The following ARFGEF3 variants were observed in gnomAD, a reference collection of about 807,000 sequenced individuals.
The protein encoded by ARFGEF3 is brefeldin A-inhibited guanine nucleotide-exchange protein 3.
ARFGEF3 carries 96 observed loss-of-function variants against 221.7 expected under a neutral mutation model. The observed-to-expected ratio is 0.43, with a 90% CI of 0.37 to 0.51. The LOEUF (loss-of-function observed/expected upper bound fraction) is 0.51, where lower values mean the gene tolerates loss of function less well. Among genes scored for constraint, ARFGEF3 ranks in the 20% least tolerant of loss-of-function variants. The pLI is 0.00. For synonymous variants in ARFGEF3, 1,145 were observed against 1,126.8 expected, an observed-to-expected ratio of 1.02 and a Z score of -0.32; for missense variants, 2,410 against 2,789.9, an observed-to-expected ratio of 0.86 and a Z score of 3.07.
chr6:138,197,129 G>A (rs938979388), intron 2 of ARFGEF3, among the ~76,000 whole-genome samples: 14 of 152,172 alleles, frequency 9.2e-5, no homozygotes, highest in Admixed American at 2.6e-4. Flanking sequence ...CGCCATGCCC[G>A]GCCTTTAAGC....
intron 4 of ARFGEF3, among the ~76,000 whole-genome samples, chr6:138,227,496 C>A (rs1778108220): frequency 6.6e-6 from 1 of 152,162 alleles, no homozygotes; most frequent in Admixed American, 6.5e-5. Context: ...TAATAATTAA[C>A]CAGTGAGGAC....
intron 18 of ARFGEF3, among the ~76,000 whole-genome samples, chr6:138,290,856 A>G (rs1198374818): frequency 1.2e-4 from 18 of 152,202 alleles, no homozygotes; most frequent in Non-Finnish European, 1.5e-5. Flanking sequence ...AAATATAGCC[A>G]TGAGTGTTTG....
chr6:138,182,740 T>C (rs1406273502), intron 2 of ARFGEF3, among the ~76,000 whole-genome samples: 1 of 152,202 alleles, frequency 6.6e-6, no homozygotes, highest in Non-Finnish European at 1.5e-5. Flanking sequence ...TCTGCTAACT[T>C]GACCAAGGGA....
intron 4 of ARFGEF3, among the ~76,000 whole-genome samples, chr6:138,226,468 A>G (rs765700899): frequency 2.0e-5 from 3 of 152,172 alleles, no homozygotes; most frequent in Non-Finnish European, 4.4e-5. Context: ...TTTCATGGAA[A>G]GCTTTGCCCC....
At chr6:138,197,862 C>T (rs760077450) in intron 2 of ARFGEF3, among the ~76,000 whole-genome samples, 13 of 152,062 alleles carry the variant, frequency 8.5e-5, no homozygotes, top group Non-Finnish European at 1.8e-4. Context: ...TCAGATTATG[C>T]AAGTATACTC....
At position 138,286,851 on chromosome 6, in the gene ARFGEF3, A is replaced by T; in HGVS notation, c.2720A>T (p.Glu907Val). 6.2e-7 allele frequency: 1 copy of T among 1,613,962 alleles called. No individual in the cohort carries two copies. The highest frequency in any genetic ancestry group is 8.5e-7 in the Non-Finnish European group (1 of 1,179,906). Residue 907 changes from glutamate (E) to valine (V), a missense_variant, in exon 16 of 34, where the codon GAG (glutamate) becomes GTG (valine). Physicochemically the swap from Glu to Val is moderately radical, Grantham distance 121. Around this residue, in one of 5 missense-constraint regions of ARFGEF3, gnomAD observed 594 missense variants for 734.3 expected, o/e 0.81. Transcript: ENST00000251691. The stretch of plus-strand genomic sequence containing the variant: ...GGCATCAAAGAGCAGAACCAGAAGG[A>T]GCGGGACGCCATCTGCATGAGCCTC... ...AEGIKEQNQKERDAICMSLDG... is the reference protein window; with the variant it reads ...AEGIKEQNQKVRDAICMSLDG...
chr6:138,328,776 G>A (rs1329729658), intron 32 of ARFGEF3, among the ~76,000 whole-genome samples: 1 of 152,136 alleles, frequency 6.6e-6, no homozygotes, highest in Non-Finnish European at 1.5e-5. Context: ...GATCACTTAA[G>A]CTCAGAAGTT....
intron 5 of ARFGEF3, among the ~76,000 whole-genome samples, chr6:138,233,126 C>A (rs926776114): frequency 5.9e-5 from 9 of 152,074 alleles, no homozygotes; most frequent in Non-Finnish European, 1.3e-4. Context: ...ACCATAGATT[C>A]AAGTGGCCAT....
At chr6:138,191,131 A>G (rs1449396051) in intron 2 of ARFGEF3, among the ~76,000 whole-genome samples, 1 of 152,078 alleles carries the variant, frequency 6.6e-6, no homozygotes, top group Non-Finnish European at 1.5e-5. Context: ...CCTAGCTCAC[A>G]TCACTTCTCA....
At chr6:138,301,756 T>C (rs1168256285) in intron 22 of ARFGEF3, among the ~76,000 whole-genome samples, 6 of 152,168 alleles carry the variant, frequency 3.9e-5, no homozygotes, top group Non-Finnish European at 7.4e-5. Flanking sequence ...CTGGCCAACC[T>C]TCTCACACAG....
intron 25 of ARFGEF3, among the ~76,000 whole-genome samples, chr6:138,311,807 G>C (rs1326251827): frequency 6.6e-6 from 1 of 152,134 alleles, no homozygotes. Context: ...AGGGGAAGGG[G>C]TCACTAGGTC....
At chr6:138,253,503 G>A (rs954620314) in intron 8 of ARFGEF3, among the ~76,000 whole-genome samples, 5 of 152,062 alleles carry the variant, frequency 3.3e-5, no homozygotes, top group East Asian at 3.9e-4. Context: ...GCTTCTCTCC[G>A]CGCCTTGTAG....
chr6:138,180,263 C>T (rs2235561), intron 2 of ARFGEF3, among the ~76,000 whole-genome samples: 30,496 of 152,128 alleles, frequency 0.2, 4,313 homozygotes, highest in East Asian at 0.4. Flanking sequence ...GCCTTTCTTA[C>T]GTCATGGAGA....
At chr6:138,242,885 A>C in intron 6 of ARFGEF3, 67 bp from the exon 7 acceptor site, 1 of 1,409,410 alleles carries the variant, frequency 7.1e-7, no homozygotes, top group Non-Finnish European at 1.0e-6. Flanking sequence ...GAATTTTCCC[A>C]TTGTCAAAGA....
rs186546899 is a variant in ARFGEF3, at chr6:138,282,887, A to T, written c.2461+2723A>T. On this transcript the variant is annotated intron_variant, in intron 14 of 33. Transcript: ENST00000251691. ...AACATGGTGAAACCCCATCTCTACA[A>T]AAAAAATACAAAAATTAGCTGAGCA... Among the ~76,000 whole-genome samples the T allele has an allele frequency of 1.2e-3, 182 of 152,048 alleles. 1 individual carries two copies. Among genetic ancestry groups the T allele is most frequent in the African/African-American group, 4.3e-3 (177 of 41,488 alleles).
At chr6:138,298,860 C>T (rs868478631) in intron 22 of ARFGEF3, 75 bp downstream of exon 22, 42 of 1,099,048 alleles carry the variant, frequency 3.8e-5, no homozygotes, top group Middle Eastern at 2.4e-4. Flanking sequence ...CTATGAGCTT[C>T]GCACACTTAC....
At chr6:138,317,057 T>C (rs1779938086) in intron 26 of ARFGEF3, among the ~76,000 whole-genome samples, 194 bp from the exon 27 acceptor site, 2 of 152,226 alleles carry the variant, frequency 1.3e-5, no homozygotes, top group Non-Finnish European at 2.9e-5. Context: ...GAGCAGTATT[T>C]TTCCCCTTGA....
rs907108522 is a variant in ARFGEF3, at chr6:138,308,918, C to A, written c.4096+57C>A. ...CTGCTGAGGACCCTTTCCAGGGTGG[C>A]TCTGTGGCTGGAGACAGGGCCTACT... is the stretch of plus-strand genomic sequence containing the variant. On this transcript the variant is annotated intron_variant, in intron 24 of 33. Coordinates refer to ENST00000251691, the MANE Select transcript of ARFGEF3 (RefSeq NM_020340.5). 4 of 1,607,154 alleles carry A rather than the reference C, an allele frequency of 2.5e-6. No homozygotes were observed. In the African/African-American group the frequency reaches 5.4e-5, roughly 21 times the overall value.
intron 31 of ARFGEF3, among the ~76,000 whole-genome samples, chr6:138,325,889 C>G (rs1462597835): frequency 6.6e-6 from 1 of 152,110 alleles, no homozygotes; most frequent in Non-Finnish European, 1.5e-5. Flanking sequence ...GAGACTTGCT[C>G]TATCAATCAC....
Sources: allele counts gnomAD v4.1 joint callset (sites outside exome capture counted in the v4.1 genomes callset), GRCh38; gene constraint gnomAD v4.1.1; regional missense constraint gnomAD v4.1.1; transcripts MANE v1.5; gene names NCBI Gene and HGNC (gene_info 2026-07-23, HGNC 2026-07-21).